MMP2: variants seen among roughly 807,000 people sequenced by gnomAD.
MMP2 encodes the protein matrix metallopeptidase 2.
Under a neutral mutation model 74.8 loss-of-function variants are expected in MMP2, and 39 were observed. The ratio of observed to expected loss-of-function variants is 0.52; its 90% confidence interval spans 0.40 to 0.68. MMP2 has a LOEUF of 0.68. MMP2 is among the 30% of genes least tolerant of loss of function. The pLI, the probability that MMP2 is intolerant of heterozygous loss-of-function variation, is 0.00. For synonymous variants in MMP2, 367 were observed against 339.8 expected (o/e 1.08, Z -0.88); for missense variants, 803 against 878.3 (o/e 0.91, Z 1.08).
At chr16:55,499,712 G>A (rs1356143353) in intron 11 of MMP2, among the ~76,000 whole-genome samples, 10 of 152,190 alleles carry the variant, frequency 6.6e-5, no homozygotes, top group Non-Finnish European at 1.3e-4. Flanking sequence ...TCAAGCTATA[G>A]AGATATGTGT....
At chr16:55,498,802 C>T (rs1012062995) in intron 11 of MMP2, among the ~76,000 whole-genome samples, 3 of 152,156 alleles carry the variant, frequency 2.0e-5, no homozygotes, top group Non-Finnish European at 4.4e-5. Context: ...CAGAGACTGT[C>T]CCAAGGGTTC....
chr16:55,489,258 G>A (rs17859910), intron 6 of MMP2, among the ~76,000 whole-genome samples: 1,833 of 152,330 alleles, frequency 0.012, 40 homozygotes, highest in African/African-American at 0.042. Flanking sequence ...CCCTGCCCAA[G>A]GGGGCTCACA....
intron 9 of MMP2, among the ~76,000 whole-genome samples, chr16:55,495,109 A>G (rs1962500270): frequency 6.6e-6 from 1 of 152,236 alleles, no homozygotes; most frequent in South Asian, 2.1e-4. Context: ...CAAGAATGCA[A>G]TGAGAGATGA....
At position 55,502,807 on chromosome 16, in the gene MMP2, C is replaced by T. The variant is rs183330767; in HGVS notation, c.1798C>T (p.Pro600Ser). The T allele has an allele frequency of 6.8e-6, 11 of 1,613,954 alleles. No homozygotes were observed. Among genetic ancestry groups the T allele is most frequent in the Non-Finnish European group, 9.3e-6 (11 of 1,179,996 alleles). The change falls in exon 12 of 13, where the codon CCT becomes TCT. Residue 600 changes from proline (P) to serine (S), a missense_variant. Around this residue, in one of 3 missense-constraint regions of MMP2, gnomAD observed 555 missense variants for 592.0 expected, o/e 0.94. Coordinates refer to ENST00000219070, the MANE Select transcript of MMP2 (RefSeq NM_004530.6). Reference sequence around the variant, plus strand: ...CAATGAGGTGAAGAAGAAAATGGATCCTGGCTTCCCCAAGCTCATCGCAGA... The same window carrying T: ...CAATGAGGTGAAGAAGAAAATGGATTCTGGCTTCCCCAAGCTCATCGCAGA... ...RYNEVKKKMD[P>S]GFPKLIADAW...
Position 55,506,053 on chromosome 16 carries a change from TG to T in MMP2, c.*612del, listed in dbSNP as rs1224450872. The stretch of plus-strand genomic sequence containing the variant: ...CAGGTTGTCTGAAGTCACTGCACAG[TG>T]CATCTCAGCCCACATAGTGATGGTT... On this transcript the variant is annotated 3_prime_UTR_variant, in exon 13 of 13. Coordinates refer to ENST00000219070, the MANE Select transcript of MMP2 (RefSeq NM_004530.6). 2 of 157,970 alleles carry T rather than the reference TG, an allele frequency of 1.3e-5. No individual in the cohort carries two copies. The highest frequency in any genetic ancestry group is 4.8e-5 in the African/African-American group (2 of 41,468). 9.8% of individuals were successfully genotyped at this position (157,970 alleles called of 1,614,324 possible). A position where few individuals can be genotyped will look rare whatever the true frequency, so the allele number is the denominator to read the frequency against.
intron 8 of MMP2, among the ~76,000 whole-genome samples, chr16:55,492,186 C>G (rs1962426560): frequency 6.6e-6 from 1 of 152,174 alleles, no homozygotes; most frequent in South Asian, 2.1e-4. Context: ...CCATGTCACT[C>G]TTAGCGCTCC....
intron 1 of MMP2, among the ~76,000 whole-genome samples, chr16:55,480,806 A>G (rs1266639158): frequency 1.3e-5 from 2 of 152,088 alleles, no homozygotes; most frequent in African/African-American, 4.8e-5. Flanking sequence ...CACCCTTCCA[A>G]ACAGCTAGGT....
At position 55,484,505 on chromosome 16, in the gene MMP2, T is replaced by A. The variant is rs542737584; in HGVS notation, c.529+341T>A. On this transcript the variant is annotated intron_variant, in intron 3 of 12. Coordinates refer to ENST00000219070, the MANE Select transcript of MMP2 (RefSeq NM_004530.6). ...TAAAAATTTTAAATTAGTTTCCTGG[T>A]CACACTGGGCACATTTTAAGTGCTC... Among the ~76,000 whole-genome samples the A allele has an allele frequency of 4.0e-4, 61 of 152,362 alleles. 1 individual carries two copies. The highest frequency in any genetic ancestry group is 1.4e-3 in the African/African-American group (59 of 41,590).
intron 9 of MMP2, among the ~76,000 whole-genome samples, 161 bp downstream of exon 9, chr16:55,493,454 A>G (rs545601224): frequency 4.6e-5 from 7 of 152,308 alleles, no homozygotes; most frequent in South Asian, 2.1e-4. Context: ...TCCAGGTTTC[A>G]GTGGATTTGC....
At chr16:55,497,427 T>G (rs1342261696) in intron 10 of MMP2, among the ~76,000 whole-genome samples, 1 of 152,216 alleles carries the variant, frequency 6.6e-6, no homozygotes, top group Non-Finnish European at 1.5e-5. Context: ...AGTTCGAATG[T>G]TTTAAAGAAT....
intron 5 of MMP2, among the ~76,000 whole-genome samples, chr16:55,486,083 T>C (rs1007543050): frequency 3.3e-5 from 5 of 152,308 alleles, no homozygotes; most frequent in African/African-American, 1.2e-4. Context: ...CTAATATATA[T>C]TGGAGTGAAC....
Position 55,488,608 on chromosome 16 carries a change from AC to A in MMP2, c.899del (p.Thr300AsnfsTer121). Reference sequence around the variant, plus strand: ...CAAGTTTCCATTCCGCTTCCAGGGCACATCCTATGACAGCTGCACCACTGAG... The same window carrying A: ...CAAGTTTCCATTCCGCTTCCAGGGCAATCCTATGACAGCTGCACCACTGAG... ...PCKFPFRFQG[T>X]SYDSCTTEGR... On this transcript the variant is annotated frameshift_variant, in exon 6 of 13. Coordinates refer to ENST00000219070, the MANE Select transcript of MMP2 (RefSeq NM_004530.6). LOFTEE classifies it high-confidence loss of function. The A allele has an allele frequency of 6.2e-7, 1 of 1,613,924 alleles. No individual in the cohort carries two copies. Among genetic ancestry groups the A allele is most frequent in the Middle Eastern group, 1.6e-4 (1 of 6,062 alleles).
chr16:55,492,104 G>C, intron 8 of MMP2, 148 bp downstream of exon 8: 1 of 744,120 alleles, frequency 1.3e-6, no homozygotes, highest in Non-Finnish European at 2.2e-6. Flanking sequence ...TGTTGACCTG[G>C]TCTTGGGAAG....
chr16:55,505,249 T>A (rs2142377078), intron 12 of MMP2, 90 bp from the exon 13 acceptor site: 1 of 1,083,596 alleles, frequency 9.2e-7, no homozygotes, highest in East Asian at 2.4e-5. Flanking sequence ...TTCTTCCCTA[T>A]GCCAGGCAGA....
At chr16:55,490,295 G>GC (rs1318923624) in intron 7 of MMP2, among the ~76,000 whole-genome samples, 4 of 152,206 alleles carry the variant, frequency 2.6e-5, no homozygotes, top group Non-Finnish European at 2.9e-5. Flanking sequence ...AGAGCCTCAT[G>GC]CTTGATCTGA....
At chr16:55,492,447 T>G (rs1962434422) in intron 8 of MMP2, among the ~76,000 whole-genome samples, 1 of 147,378 alleles carries the variant, frequency 6.8e-6, no homozygotes, top group African/African-American at 2.6e-5. Flanking sequence ...ATTTATTTAT[T>G]TATTTATTTA....
intron 4 of MMP2, 86 bp downstream of exon 4, chr16:55,485,513 G>C: frequency 6.2e-7 from 1 of 1,612,558 alleles, no homozygotes; most frequent in Non-Finnish European, 8.5e-7. Flanking sequence ...GGTGGGAGGG[G>C]AGGAAAGTCA....
At chr16:55,494,464 G>C (rs936226026) in intron 9 of MMP2, among the ~76,000 whole-genome samples, 6 of 152,198 alleles carry the variant, frequency 3.9e-5, no homozygotes, top group Non-Finnish European at 7.3e-5. Context: ...CAAATACTTT[G>C]CTAGGCTTTA....
At position 55,505,459 on chromosome 16, in the gene MMP2, A is replaced by G; in HGVS notation, c.*17A>G. 2.5e-6 allele frequency: 4 copies of G among 1,607,646 alleles called. No individual in the cohort carries two copies. The highest frequency in any genetic ancestry group is 1.3e-5 in the African/African-American group (1 of 74,906). ...GGCTGCTGAGCTGGCCCTGGCTCCCACAGGCCCTTCCTCTCCACTGCCTTC... is the reference window on the plus strand; with the variant it reads ...GGCTGCTGAGCTGGCCCTGGCTCCCGCAGGCCCTTCCTCTCCACTGCCTTC... On this transcript the variant is annotated 3_prime_UTR_variant, in exon 13 of 13. Coordinates refer to ENST00000219070, the MANE Select transcript of MMP2 (RefSeq NM_004530.6).
Sources: allele counts gnomAD v4.1 joint callset (sites outside exome capture counted in the v4.1 genomes callset), GRCh38; gene constraint gnomAD v4.1.1; regional missense constraint gnomAD v4.1.1; transcripts MANE v1.5; gene names NCBI Gene and HGNC (gene_info 2026-07-23, HGNC 2026-07-21).